The following KLHL28 variants were observed in gnomAD, a reference collection of about 807,000 sequenced individuals.
KLHL28 encodes the protein kelch-like protein 28.
A neutral mutation model predicts 48.3 loss-of-function variants in KLHL28; 22 were observed. The observed-to-expected ratio is 0.46, with a 90% CI of 0.33 to 0.65. The LOEUF is 0.65. Ranked by LOEUF, KLHL28 falls within the 30% of genes least tolerant of loss-of-function variation. KLHL28 has a pLI of 0.03. For synonymous variants in KLHL28, 243 were observed against 242.4 expected, an observed-to-expected ratio of 1.00 and a Z score of -0.02; for missense variants, 527 against 704.3, an observed-to-expected ratio of 0.75 and a Z score of 2.85.
chr14:44,961,319 G>A (rs142638956), intron 1 of KLHL28, among the ~76,000 whole-genome samples: 1 of 152,202 alleles, frequency 6.6e-6, no homozygotes, highest in South Asian at 2.1e-4. Flanking sequence ...CGGAGGTTAG[G>A]GGAGAGTCCC....
intron 3 of KLHL28, among the ~76,000 whole-genome samples, chr14:44,932,257 T>C (rs8017081): frequency 2.5e-5 from 2 of 80,596 alleles, no homozygotes; most frequent in African/African-American, 9.9e-5. Context: ...GGGTGGGGGG[T>C]GGGGAGAAAA....
At chr14:44,933,550 C>T (rs900451613) in intron 3 of KLHL28, among the ~76,000 whole-genome samples, 8 of 152,058 alleles carry the variant, frequency 5.3e-5, no homozygotes, top group Admixed American at 4.6e-4. Context: ...TAACTAGTTA[C>T]TTCATACTTT....
chr14:44,948,432 CTTAAA>C (rs1158949932), intron 1 of KLHL28, among the ~76,000 whole-genome samples: 18 of 152,150 alleles, frequency 1.2e-4, no homozygotes, highest in Admixed American at 7.2e-4. Flanking sequence ...CCATCTGAAT[CTTAAA>C]TTATATTATT....
In KLHL28 at chr14:44,934,116, T is replaced by C; in HGVS notation, c.1342A>G (p.Ser448Gly). 6.3e-7 allele frequency: 1 copy of C among 1,592,180 alleles called. No individual in the cohort carries two copies. The highest frequency in any genetic ancestry group is 8.6e-7 in the Non-Finnish European group (1 of 1,168,816). Reference sequence around the variant, plus strand: ...CAATTTAATTATTAAGTTAAATACCTGTTCATGTGGGCAGGACCATACCCA... The same window carrying C: ...CAATTTAATTATTAAGTTAAATACCCGTTCATGTGGGCAGGACCATACCCA... The part of the protein sequence containing the change: ...IGGYGPAHMN[S>G]VERYDPSKDS... The change falls in exon 3 of 5, where the codon AGT (serine) becomes GGT (glycine). Residue 448 changes from serine to glycine, a missense_variant and splice_region_variant. Physicochemically the swap from Ser to Gly is moderately conservative, Grantham distance 56. Coordinates refer to ENST00000396128, the MANE Select transcript of KLHL28 (RefSeq NM_017658.5).
In KLHL28 at chr14:44,959,190, C is replaced by T. The variant is rs529219216; in HGVS notation, c.-1+2656G>A. On this transcript the variant is annotated intron_variant, in intron 1 of 4. Coordinates refer to ENST00000396128, the MANE Select transcript of KLHL28 (RefSeq NM_017658.5). ...CAGTGACCTCCACCAAAACCTTCTC[C>T]AAGCTCTAAGCAAATGTGAGTTTTA... Among the ~76,000 whole-genome samples, 4 of 152,082 alleles carry T rather than the reference C, an allele frequency of 2.6e-5. No individual in the cohort carries two copies. The South Asian group carries it at 8.3e-4, about 32-fold the overall frequency.
At chr14:44,955,553 A>G (rs1884759039) in intron 1 of KLHL28, among the ~76,000 whole-genome samples, 1 of 152,154 alleles carries the variant, frequency 6.6e-6, no homozygotes, top group South Asian at 2.1e-4. Context: ...AGGTGGGAGG[A>G]TAGCTTGAGC....
rs1464653025 is a variant in KLHL28, at chr14:44,924,733, G to C, written c.*4295C>G. The C allele has an allele frequency of 6.6e-6, 1 of 152,528 alleles. No individual in the cohort carries two copies. Among genetic ancestry groups the C allele is most frequent in the African/African-American group, 2.4e-5 (1 of 41,422 alleles). The allele number at this position is 152,528 out of a possible 1,614,324, so 9.4% of individuals were successfully genotyped here. Reference sequence around the variant, plus strand: ...TTCTTTAACTTCACTTGTATTTTAAGGCAAACTTGGAACTTTTTGCTTAGT... The same window carrying C: ...TTCTTTAACTTCACTTGTATTTTAACGCAAACTTGGAACTTTTTGCTTAGT... On this transcript the variant is annotated 3_prime_UTR_variant, in exon 5 of 5. Coordinates refer to ENST00000396128, the MANE Select transcript of KLHL28 (RefSeq NM_017658.5).
rs550779006 is a variant in KLHL28 at position 44,929,329 on chromosome 14, C to T, written c.1553-138G>A. ...TATTATTAATTATACAGGCAATATA[C>T]AGTAGTCCTCCCTTTATCTGAGTTT... On this transcript the variant is annotated intron_variant, in intron 4 of 4. Transcript: ENST00000396128. 11 of 759,914 alleles carry T rather than the reference C, an allele frequency of 1.4e-5. No homozygotes were observed. In the African/African-American group the frequency reaches 1.6e-4, roughly 11 times the overall value. The allele number at this position is 759,914 out of a possible 1,614,324, so 47.1% of individuals were successfully genotyped here.
At position 44,925,839 on chromosome 14, in the gene KLHL28, A is replaced by T. The variant is rs1002239522; in HGVS notation, c.*3189T>A. 6.6e-6 allele frequency: 1 copy of T among 152,164 alleles called. No individual in the cohort carries two copies. The highest frequency in any genetic ancestry group is 2.4e-5 in the African/African-American group (1 of 41,444). The allele number at this position is 152,164 out of a possible 1,614,324, so 9.4% of individuals were successfully genotyped here. The stretch of plus-strand genomic sequence containing the variant: ...TAAAAGCCACTTACATTCTATTACA[A>T]CATCCAATGATTATTGAATAGCCAA... On this transcript the variant is annotated 3_prime_UTR_variant, in exon 5 of 5. Transcript: ENST00000396128.
At chr14:44,940,604 A>G (rs999365963) in intron 2 of KLHL28, among the ~76,000 whole-genome samples, 2 of 152,152 alleles carry the variant, frequency 1.3e-5, no homozygotes, top group Non-Finnish European at 2.9e-5. Context: ...TTAATTAAAG[A>G]AAAAAACTAA....
Position 44,925,709 on chromosome 14 carries a change from T to C in KLHL28, c.*3319A>G, listed in dbSNP as rs1487526681. ...ATCAAAATAAAATTTCAAAACCTAA[T>C]GCCATTTTCCTATCACTTGATACCA... On this transcript the variant is annotated 3_prime_UTR_variant, in exon 5 of 5. Coordinates refer to ENST00000396128, the MANE Select transcript of KLHL28 (RefSeq NM_017658.5). The C allele has an allele frequency of 1.3e-5, 2 of 152,168 alleles. No individual in the cohort carries two copies. The highest frequency in any genetic ancestry group is 1.3e-4 in the Admixed American group (2 of 15,278). The allele number at this position is 152,168 out of a possible 1,614,324, so 9.4% of individuals were successfully genotyped here. A position where few individuals can be genotyped will look rare whatever the true frequency, so the allele number is the denominator to read the frequency against.
At chr14:44,949,617 G>A (rs1884489912) in intron 1 of KLHL28, among the ~76,000 whole-genome samples, 1 of 152,060 alleles carries the variant, frequency 6.6e-6, no homozygotes, top group South Asian at 2.1e-4. Context: ...CTTTGAAGAT[G>A]ACATGAAGCT....
intron 1 of KLHL28, among the ~76,000 whole-genome samples, chr14:44,946,481 A>G (rs1298915725): frequency 2.0e-5 from 3 of 152,060 alleles, no homozygotes; most frequent in Non-Finnish European, 4.4e-5. Context: ...TTAATTATGA[A>G]CAGAATCCAA....
At chr14:44,935,904 C>A (rs866910883) in intron 2 of KLHL28, among the ~76,000 whole-genome samples, 2,771 of 18,388 alleles carry the variant, frequency 0.15, 23 homozygotes, top group Non-Finnish European at 0.25. Flanking sequence ...ATATATATAT[C>A]TTTACCCTCC....
At chr14:44,937,719 A>C (rs1245779701) in intron 2 of KLHL28, among the ~76,000 whole-genome samples, 1 of 152,214 alleles carries the variant, frequency 6.6e-6, no homozygotes, top group Non-Finnish European at 1.5e-5. Context: ...TATTTGGCTC[A>C]AGGTACTGGA....
rs921175334 is a variant in KLHL28 at position 44,925,649 on chromosome 14, C to T, written c.*3379G>A. On this transcript the variant is annotated 3_prime_UTR_variant, in exon 5 of 5. Coordinates refer to ENST00000396128, the MANE Select transcript of KLHL28 (RefSeq NM_017658.5). ...TCCCACAGCATCTAACAGAATATCT[C>T]ATACATATAGCAAACCCTCCATATG... 3 of 152,122 alleles carry T rather than the reference C, an allele frequency of 2.0e-5. No individual in the cohort carries two copies. Among genetic ancestry groups the T allele is most frequent in the Non-Finnish European group, 2.9e-5 (2 of 67,972 alleles). 9.4% of individuals were successfully genotyped at this position (152,122 alleles called of 1,614,324 possible). A position where few individuals can be genotyped will look rare whatever the true frequency, so the allele number is the denominator to read the frequency against.
chr14:44,937,474 G>T (rs1458916985), intron 2 of KLHL28, among the ~76,000 whole-genome samples: 1 of 152,040 alleles, frequency 6.6e-6, no homozygotes, highest in Non-Finnish European at 1.5e-5. Context: ...ATACCTAGTT[G>T]ATGTCAGAGA....
chr14:44,949,184 A>G (rs1884471033), intron 1 of KLHL28, among the ~76,000 whole-genome samples: 2 of 152,154 alleles, frequency 1.3e-5, no homozygotes, highest in Non-Finnish European at 2.9e-5. Context: ...TAAGACAGTA[A>G]ATTCTACAAT....
Position 44,925,002 on chromosome 14 carries a change from G to A in KLHL28, c.*4026C>T, listed in dbSNP as rs965627736. On this transcript the variant is annotated 3_prime_UTR_variant, in exon 5 of 5. Transcript: ENST00000396128. ...TCAACACCAAATCAATGTACTGTAAGTGAAAATCCAGTACATATCCAGCCA... is the reference window on the plus strand; with the variant it reads ...TCAACACCAAATCAATGTACTGTAAATGAAAATCCAGTACATATCCAGCCA... 2.0e-5 allele frequency: 3 copies of A among 152,462 alleles called. No homozygotes were observed. The East Asian group carries it at 5.8e-4, about 29-fold the overall frequency. 9.4% of individuals were successfully genotyped at this position (152,462 alleles called of 1,614,324 possible).
Sources: gnomAD v4.1 joint callset for allele counts (sites outside exome capture counted in the v4.1 genomes callset) on GRCh38, gnomAD v4.1.1 for gene constraint, MANE v1.5 for transcripts, NCBI Gene and HGNC (gene_info 2026-07-23, HGNC 2026-07-21) for gene names.